Variants in RASAL2 observed in about 807,000 individuals in gnomAD.
The protein encoded by RASAL2 is RAS protein activator like 2.
RASAL2 carries 58 observed loss-of-function variants against 128.9 expected under a neutral mutation model. The observed-to-expected ratio is 0.45, with a 90% CI of 0.36 to 0.56. The LOEUF is 0.56. Among genes scored for constraint, RASAL2 ranks in the 20% least tolerant of loss-of-function variants. The probability of loss-of-function intolerance (pLI) is 0.00; values close to 1 mark genes in which losing one functional copy is unlikely to be tolerated. For missense variants in RASAL2, 1,360 were observed against 1,601.6 expected, an observed-to-expected ratio of 0.85 and a Z score of 2.57; for synonymous variants, 561 against 580.8, an observed-to-expected ratio of 0.97 and a Z score of 0.49.
In RASAL2 at chr1:178,455,063, C is replaced by A. The variant is rs559678596; in HGVS notation, c.2211+415C>A. 2.4e-3 allele frequency among the ~76,000 whole-genome samples: 363 copies of A among 151,982 alleles called. 1 individual carries two copies. The highest frequency in any genetic ancestry group is 3.0e-3 in the Non-Finnish European group (206 of 67,944). On this transcript the variant is annotated intron_variant, in intron 12 of 17. Transcript: ENST00000367649. ...GGTTTATCATGTTTTAAGTAACTACCCATGAAACAAATTTTTTTACTATAC... is the reference window on the plus strand; with the variant it reads ...GGTTTATCATGTTTTAAGTAACTACACATGAAACAAATTTTTTTACTATAC...
intron 5 of RASAL2, among the ~76,000 whole-genome samples, chr1:178,427,937 A>G (rs1055926641): frequency 6.6e-6 from 1 of 152,050 alleles, no homozygotes; most frequent in Admixed American, 6.6e-5. Context: ...CCCCACACCT[A>G]TCACATCCCT....
intron 3 of RASAL2, among the ~76,000 whole-genome samples, chr1:178,386,211 C>T (rs1019095017): frequency 3.9e-5 from 6 of 152,156 alleles, no homozygotes; most frequent in African/African-American, 1.4e-4. Flanking sequence ...AAAGAAAGTG[C>T]GTTGACATAG....
At chr1:178,112,280 G>A (rs1315744191) in intron 1 of RASAL2, among the ~76,000 whole-genome samples, 3 of 152,042 alleles carry the variant, frequency 2.0e-5, no homozygotes, top group African/African-American at 4.8e-5. Context: ...AGCTGGGCAC[G>A]GTGGCTCATG....
rs1308204548 is a variant in RASAL2, at chr1:178,478,749, G to C, written c.*5510G>C. 1 of 152,128 alleles carries C rather than the reference G, an allele frequency of 6.6e-6. No homozygotes were observed. Among genetic ancestry groups the C allele is most frequent in the African/African-American group, 2.4e-5 (1 of 41,424 alleles). 9.4% of individuals were successfully genotyped at this position (152,128 alleles called of 1,614,324 possible). A position where few individuals can be genotyped will look rare whatever the true frequency, so the allele number is the denominator to read the frequency against. The stretch of plus-strand genomic sequence containing the variant: ...TAAAGAAGATTTATTTTTGTTCTGT[G>C]AATAATTTTTGACAGTTCTTGTACA... On this transcript the variant is annotated 3_prime_UTR_variant, in exon 18 of 18. Coordinates refer to ENST00000367649, the MANE Select transcript of RASAL2 (RefSeq NM_170692.4).
chr1:178,453,791 G>A (rs985214795), intron 11 of RASAL2, among the ~76,000 whole-genome samples: 7 of 152,184 alleles, frequency 4.6e-5, no homozygotes, highest in South Asian at 2.1e-4. Context: ...GTTTCTGTTA[G>A]CAATGTATTG....
intron 1 of RASAL2, among the ~76,000 whole-genome samples, chr1:178,160,615 A>G (rs1455500341): frequency 1.3e-5 from 2 of 152,254 alleles, no homozygotes; most frequent in African/African-American, 2.4e-5. Context: ...AGCCTGGACT[A>G]CAAGGGTGAA....
At chr1:178,163,119 C>T (rs2101898401) in intron 1 of RASAL2, among the ~76,000 whole-genome samples, 1 of 151,782 alleles carries the variant, frequency 6.6e-6, no homozygotes, top group East Asian at 2.0e-4. Context: ...TACAGGCGCA[C>T]ACCATGCCTG....
intron 17 of RASAL2, among the ~76,000 whole-genome samples, 175 bp from the exon 18 acceptor site, chr1:178,472,900 G>A (rs374424191): frequency 2.6e-5 from 4 of 152,292 alleles, no homozygotes; most frequent in African/African-American, 9.6e-5. Context: ...GATCCACTGG[G>A]CTCAGGGGAA....
intron 1 of RASAL2, among the ~76,000 whole-genome samples, chr1:178,189,499 T>C (rs547268984): frequency 6.6e-6 from 1 of 152,330 alleles, no homozygotes; most frequent in South Asian, 2.1e-4. Context: ...TTCTGGAAGC[T>C]TTAGAGTTAT....
At chr1:178,257,254 T>C (rs964757971) in intron 1 of RASAL2, among the ~76,000 whole-genome samples, 16 of 152,208 alleles carry the variant, frequency 1.1e-4, no homozygotes, top group Admixed American at 5.2e-4. Context: ...CAGCTGACTT[T>C]TTTGTGGATA....
In RASAL2 at chr1:178,212,596, A is replaced by G. The variant is rs374549198; in HGVS notation, c.203-70968A>G. On this transcript the variant is annotated intron_variant, in intron 1 of 17. Coordinates refer to ENST00000367649, the MANE Select transcript of RASAL2 (RefSeq NM_170692.4). ...AACGTCCGCCTCCTGGGTTCAAGCC[A>G]TTCTTCTGCCTCAGCCTCCCGAGTA... Among the ~76,000 whole-genome samples, 19 of 152,122 alleles carry G rather than the reference A, an allele frequency of 1.2e-4. No individual in the cohort carries two copies. In the East Asian group the frequency reaches 3.5e-3, roughly 28 times the overall value.
intron 1 of RASAL2, among the ~76,000 whole-genome samples, chr1:178,200,317 G>A (rs1234669575): frequency 6.6e-6 from 1 of 152,194 alleles, no homozygotes; most frequent in Non-Finnish European, 1.5e-5. Context: ...AACAGTGATA[G>A]TCCTTGGCGT....
chr1:178,408,612 G>GTTTTTTTTTTTTTTTTTTTTT (rs756656921), intron 4 of RASAL2, among the ~76,000 whole-genome samples: 1 of 142,484 alleles, frequency 7.0e-6, no homozygotes, highest in African/African-American at 2.9e-5. Flanking sequence ...GTTTTTTTTT[G>GTTTTTTTTTTTTTTTTTTTTT]TTTTTTGTTT....
chr1:178,094,730 C>A, intron 1 of RASAL2, 36 bp downstream of exon 1: 3 of 1,609,912 alleles, frequency 1.9e-6, no homozygotes, highest in African/African-American at 1.3e-5. Context: ...GCTGGTGTTT[C>A]CTATTTTTGC....
At chr1:178,182,374 G>C (rs567126946) in intron 1 of RASAL2, among the ~76,000 whole-genome samples, 7 of 152,152 alleles carry the variant, frequency 4.6e-5, no homozygotes, top group Non-Finnish European at 4.4e-5. Flanking sequence ...AAGAGCCCTG[G>C]TTCCTTTTAT....
intron 13 of RASAL2, among the ~76,000 whole-genome samples, chr1:178,457,408 A>G (rs548461108): frequency 6.6e-6 from 1 of 152,328 alleles, no homozygotes; most frequent in East Asian, 1.9e-4. Context: ...AAGGTTTAAA[A>G]CCTAACTAGG....
chr1:178,298,012 T>C (rs913842456), intron 2 of RASAL2, among the ~76,000 whole-genome samples: 55 of 152,176 alleles, frequency 3.6e-4, no homozygotes, highest in African/African-American at 1.1e-3. Context: ...ATAATAGGCA[T>C]TTTTAGAACT....
chr1:178,450,390 A>G (rs1361754630), intron 9 of RASAL2, among the ~76,000 whole-genome samples: 1 of 152,038 alleles, frequency 6.6e-6, no homozygotes, highest in South Asian at 2.1e-4. Flanking sequence ...TTGAGCCTAG[A>G]TCTCTGACCT....
At chr1:178,287,893 A>G (rs1281952181) in intron 2 of RASAL2, among the ~76,000 whole-genome samples, 1 of 152,196 alleles carries the variant, frequency 6.6e-6, no homozygotes, top group Admixed American at 6.5e-5. Context: ...CACTGCTCAG[A>G]TAATGAGTGA....
Sources: allele counts gnomAD v4.1 joint callset (sites outside exome capture counted in the v4.1 genomes callset), GRCh38; gene constraint gnomAD v4.1.1; transcripts MANE v1.5; gene names NCBI Gene and HGNC (gene_info 2026-07-23, HGNC 2026-07-21).